The following KCTD16 variants were observed in gnomAD, a reference collection of about 807,000 sequenced individuals.
The protein encoded by KCTD16 is BTB/POZ domain-containing protein KCTD16.
A neutral mutation model predicts 33.2 loss-of-function variants in KCTD16; 13 were observed. That is an observed-to-expected ratio of 0.39 (90% CI 0.25 to 0.62). The LOEUF (loss-of-function observed/expected upper bound fraction) is 0.62, where lower values mean the gene tolerates loss of function less well. KCTD16 is among the 20% of genes least tolerant of loss of function. The pLI is 0.50. For missense variants in KCTD16, 441 were observed against 525.1 expected (o/e 0.84, Z 1.57); for synonymous variants, 197 against 195.3 (o/e 1.01, Z -0.07).
At chr5:144,215,720 T>C (rs1753544536) in intron 3 of KCTD16, among the ~76,000 whole-genome samples, 1 of 152,252 alleles carries the variant, frequency 6.6e-6, no homozygotes, top group East Asian at 1.9e-4. Context: ...GTCAGTGCAA[T>C]AGAAGCCTTA....
At chr5:144,468,099 G>A (rs537655071) in intron 3 of KCTD16, among the ~76,000 whole-genome samples, 1 of 152,170 alleles carries the variant, frequency 6.6e-6, no homozygotes, top group Admixed American at 6.5e-5. Context: ...CCCTGAGCCA[G>A]GCTGCTTCAG....
At chr5:144,299,130 A>ATCAC (rs1412688985) in intron 3 of KCTD16, among the ~76,000 whole-genome samples, 2 of 27,128 alleles carry the variant, frequency 7.4e-5, no homozygotes, top group Non-Finnish European at 1.1e-4. Flanking sequence ...ATATATATAT[A>ATCAC]TATATATATA....
intron 3 of KCTD16, among the ~76,000 whole-genome samples, chr5:144,213,240 C>T (rs1386734893): frequency 6.6e-6 from 1 of 152,048 alleles, no homozygotes; most frequent in African/African-American, 2.4e-5. Flanking sequence ...TTTCTCTCAT[C>T]ATTTAAAAAA....
chr5:144,418,600 T>C lies in KCTD16; in HGVS notation c.833-55060T>C, dbSNP rs116433370. Reference sequence around the variant, plus strand: ...TACTTCTTTACTGGTGTTGGTGCTCTTGTCAAACATCAGTTAGCCTTAGGT... The same window carrying C: ...TACTTCTTTACTGGTGTTGGTGCTCCTGTCAAACATCAGTTAGCCTTAGGT... On this transcript the variant is annotated intron_variant, in intron 3 of 3. Transcript: ENST00000512467. Among the ~76,000 whole-genome samples, 899 of 152,290 alleles carry C rather than the reference T, an allele frequency of 5.9e-3. 9 individuals carry two copies. Among genetic ancestry groups the C allele is most frequent in the African/African-American group, 0.02 (837 of 41,560 alleles).
intron 3 of KCTD16, among the ~76,000 whole-genome samples, chr5:144,269,453 A>G (rs1345342161): frequency 1.2e-4 from 18 of 152,112 alleles, no homozygotes. Flanking sequence ...TCAAAGCATT[A>G]AAAGAAAAAA....
intron 2 of KCTD16, among the ~76,000 whole-genome samples, chr5:144,200,231 G>A (rs1352833372): frequency 2.6e-5 from 4 of 151,592 alleles, no homozygotes; most frequent in South Asian, 2.1e-4. Flanking sequence ...AATTCTGTTC[G>A]GAGGCACAAT....
chr5:144,256,711 A>G (rs1429993706), intron 3 of KCTD16, among the ~76,000 whole-genome samples: 7 of 152,000 alleles, frequency 4.6e-5, no homozygotes, highest in Non-Finnish European at 8.8e-5. Context: ...GCAACAAGAC[A>G]TTCTGGAAGA....
At position 144,403,347 on chromosome 5, in the gene KCTD16, A is replaced by G. The variant is rs374450347; in HGVS notation, c.833-70313A>G. On this transcript the variant is annotated intron_variant, in intron 3 of 3. Transcript: ENST00000512467. ...ATACTGAATGGGCCTAATCCAATGC[A>G]TGGTGTTCTAATAAGACAAGGAAAA... 9.9e-4 allele frequency among the ~76,000 whole-genome samples: 151 copies of G among 152,334 alleles called. 1 individual carries two copies. Among genetic ancestry groups the G allele is most frequent in the Admixed American group, 4.4e-3 (67 of 15,300 alleles).
At chr5:144,257,970 A>G (rs1754899064) in intron 3 of KCTD16, among the ~76,000 whole-genome samples, 1 of 152,202 alleles carries the variant, frequency 6.6e-6, no homozygotes, top group Admixed American at 6.5e-5. Context: ...TCCCTGGACA[A>G]TATGTATATC....
In KCTD16 at chr5:144,476,892, A is replaced by T. The variant is rs140822472; in HGVS notation, c.*2778A>T. On this transcript the variant is annotated 3_prime_UTR_variant, in exon 4 of 4. Transcript: ENST00000512467. Reference sequence around the variant, plus strand: ...TTTGTTTAATTCTGAAGAAAACAATATATATGGTTTACTTCTCGAACATTG... The same window carrying T: ...TTTGTTTAATTCTGAAGAAAACAATTTATATGGTTTACTTCTCGAACATTG... The T allele has an allele frequency of 1.1e-4, 17 of 152,288 alleles. No homozygotes were observed. In the East Asian group the frequency reaches 3.1e-3, roughly 28 times the overall value. The allele number at this position is 152,288 out of a possible 1,614,324, so 9.4% of individuals were successfully genotyped here.
At chr5:144,204,996 AG>A (rs932561045) in intron 2 of KCTD16, among the ~76,000 whole-genome samples, 17 of 142,014 alleles carry the variant, frequency 1.2e-4, no homozygotes, top group Admixed American at 1.1e-3. Flanking sequence ...GTGAACGAGG[AG>A]GGGGGAGGGG....
chr5:144,196,736 C>A (rs903155970), intron 2 of KCTD16, among the ~76,000 whole-genome samples: 1 of 152,150 alleles, frequency 6.6e-6, no homozygotes, highest in Admixed American at 6.5e-5. Flanking sequence ...GAATGGCAAC[C>A]AGATTTATCA....
chr5:144,253,355 A>T (rs1275371529), intron 3 of KCTD16, among the ~76,000 whole-genome samples: 1 of 152,198 alleles, frequency 6.6e-6, no homozygotes, highest in Non-Finnish European at 1.5e-5. Flanking sequence ...AAGTATATAT[A>T]AAAATTGAGA....
chr5:144,422,681 A>G (rs766608929), intron 3 of KCTD16, among the ~76,000 whole-genome samples: 1 of 152,148 alleles, frequency 6.6e-6, no homozygotes, highest in African/African-American at 2.4e-5. Context: ...TAAAGAAATG[A>G]CCTAATCCTC....
chr5:144,464,891 T>G (rs929182868), intron 3 of KCTD16, among the ~76,000 whole-genome samples: 18 of 152,120 alleles, frequency 1.2e-4, no homozygotes, highest in African/African-American at 4.3e-4. Flanking sequence ...TCACACTGAG[T>G]TGTCTGAGAT....
intron 3 of KCTD16, among the ~76,000 whole-genome samples, chr5:144,409,981 T>A (rs1010806512): frequency 8.1e-4 from 123 of 152,256 alleles, no homozygotes; most frequent in African/African-American, 2.9e-3. Context: ...ACAGTTCAGA[T>A]AGGACCAGAA....
intron 3 of KCTD16, among the ~76,000 whole-genome samples, chr5:144,431,117 A>G (rs1025611909): frequency 6.6e-6 from 1 of 152,146 alleles, no homozygotes; most frequent in African/African-American, 2.4e-5. Flanking sequence ...ATGCTAAAAT[A>G]CCACTAATTA....
At chr5:144,384,674 TG>T (rs1370609414) in intron 3 of KCTD16, among the ~76,000 whole-genome samples, 1 of 152,204 alleles carries the variant, frequency 6.6e-6, no homozygotes. Flanking sequence ...AATATTCTAT[TG>T]TTCCGTATTC....
Position 144,431,195 on chromosome 5 carries a change from G to A in KCTD16, c.833-42465G>A, listed in dbSNP as rs537077090. Among the ~76,000 whole-genome samples the A allele has an allele frequency of 5.8e-4, 89 of 152,194 alleles. 1 individual carries two copies. The highest frequency in any genetic ancestry group is 2.1e-3 in the African/African-American group (88 of 41,532). On this transcript the variant is annotated intron_variant, in intron 3 of 3. Coordinates refer to ENST00000512467, the MANE Select transcript of KCTD16 (RefSeq NM_020768.4). ...AAGTTGCCTCTGTCAAAACTAACTA[G>A]CAGGTAATAGCCTACCTGCATATCC...
Sources: gnomAD v4.1 joint callset for allele counts (sites outside exome capture counted in the v4.1 genomes callset) on GRCh38, gnomAD v4.1.1 for gene constraint, MANE v1.5 for transcripts, NCBI Gene and HGNC (gene_info 2026-07-23, HGNC 2026-07-21) for gene names.